Variants in GRIP1 observed in about 807,000 individuals in gnomAD.
GRIP1 encodes glutamate receptor interacting protein 1, also known as glutamate receptor-interacting protein 1.
Under a neutral mutation model 129.9 loss-of-function variants are expected in GRIP1, and 45 were observed. The ratio of observed to expected loss-of-function variants is 0.35; its 90% confidence interval spans 0.27 to 0.44. The LOEUF is 0.44. GRIP1 is among the 20% of genes least tolerant of loss of function. The pLI, the probability that GRIP1 is intolerant of heterozygous loss-of-function variation, is 1.00. For missense variants in GRIP1, 1,196 were observed against 1,396.8 expected, an observed-to-expected ratio of 0.86 and a Z score of 2.29; for synonymous variants, 530 against 520.8, an observed-to-expected ratio of 1.02 and a Z score of -0.24.
At chr12:66,714,183 G>A (rs1396749660) in intron 1 of GRIP1, among the ~76,000 whole-genome samples, 1 of 151,980 alleles carries the variant, frequency 6.6e-6, no homozygotes, top group Non-Finnish European at 1.5e-5. Context: ...CATGATTTCA[G>A]TTTGGTCTGA....
At chr12:66,575,057 C>T (rs975732426) in intron 2 of GRIP1, among the ~76,000 whole-genome samples, 1 of 152,288 alleles carries the variant, frequency 6.6e-6, no homozygotes, top group South Asian at 2.1e-4. Context: ...CAGGCATTAG[C>T]CACCGTGCCC....
upstream of GRIP1, among the ~76,000 whole-genome samples, chr12:66,804,968 T>G (rs1371674076): frequency 6.6e-6 from 1 of 152,188 alleles, no homozygotes; most frequent in African/African-American, 2.4e-5. Flanking sequence ...TGGGCATTAA[T>G]GTATTCCAAT....
At chr12:66,394,084 T>A in intron 17 of GRIP1, 124 bp downstream of exon 17, 2 of 976,658 alleles carry the variant, frequency 2.0e-6, no homozygotes, top group Admixed American at 3.5e-5. Flanking sequence ...CTAAGATCAA[T>A]CCTTTGTGCA....
chr12:66,584,815 T>C (rs946937712), intron 2 of GRIP1, among the ~76,000 whole-genome samples: 5 of 152,028 alleles, frequency 3.3e-5, no homozygotes, highest in Non-Finnish European at 5.9e-5. Flanking sequence ...GTCTTTGAAA[T>C]GATACCTCCT....
chr12:66,553,749 G>A (rs777214185), intron 2 of GRIP1, among the ~76,000 whole-genome samples: 2 of 151,980 alleles, frequency 1.3e-5, no homozygotes, highest in Non-Finnish European at 2.9e-5. Flanking sequence ...GAGCTTGGGG[G>A]AGGAAAAGTG....
At chr12:66,541,067 G>A (rs2061765661) in intron 3 of GRIP1, among the ~76,000 whole-genome samples, 1 of 151,672 alleles carries the variant, frequency 6.6e-6, no homozygotes, top group Admixed American at 6.6e-5. Flanking sequence ...CACCTGCCTT[G>A]GCCTCCCAAT....
At chr12:66,454,412 T>C (rs978785925) in intron 11 of GRIP1, among the ~76,000 whole-genome samples, 4 of 152,198 alleles carry the variant, frequency 2.6e-5, no homozygotes, top group Non-Finnish European at 4.4e-5. Context: ...TAAATCATAA[T>C]CATGGCCATC....
intron 1 of GRIP1, among the ~76,000 whole-genome samples, chr12:66,803,009 A>G (rs1029642277): frequency 1.3e-5 from 2 of 152,186 alleles, no homozygotes; most frequent in Non-Finnish European, 2.9e-5. Flanking sequence ...CCACCACATG[A>G]ATTTTCAACC....
At chr12:66,942,722 T>C (rs1423516457) in intron 1 of GRIP1, among the ~76,000 whole-genome samples, 2 of 152,156 alleles carry the variant, frequency 1.3e-5, no homozygotes, top group East Asian at 3.9e-4. Flanking sequence ...ATGGACTGCA[T>C]GTTTGTGTCC....
chr12:66,561,214 AG>A (rs1283399794), intron 2 of GRIP1, among the ~76,000 whole-genome samples: 3 of 152,188 alleles, frequency 2.0e-5, no homozygotes, highest in Non-Finnish European at 2.9e-5. Flanking sequence ...AAGGAAAGTG[AG>A]GATGGCTAAT....
At chr12:66,715,035 T>G (rs1267289895) in intron 1 of GRIP1, among the ~76,000 whole-genome samples, 1 of 152,022 alleles carries the variant, frequency 6.6e-6, no homozygotes, top group African/African-American at 2.4e-5. Context: ...AACTCCCTTC[T>G]CCTTCCTATG....
chr12:66,540,986 A>T (rs1447326795), intron 3 of GRIP1, among the ~76,000 whole-genome samples: 9 of 150,024 alleles, frequency 6.0e-5, no homozygotes, highest in South Asian at 2.1e-4. Flanking sequence ...TTTTTTTTTT[A>T]AATTTTTTTA....
chr12:67,052,485 C>T (rs531462427), intron 1 of GRIP1, among the ~76,000 whole-genome samples: 4 of 152,194 alleles, frequency 2.6e-5, no homozygotes, highest in Non-Finnish European at 5.9e-5. Context: ...ACAGGCCGGG[C>T]GCAGTGACTC....
chr12:66,868,066 C>G (rs1039653370), intron 1 of GRIP1, among the ~76,000 whole-genome samples: 2 of 152,074 alleles, frequency 1.3e-5, no homozygotes, highest in African/African-American at 4.8e-5. Context: ...CATACTTAAT[C>G]TCACTTATGG....
At chr12:66,638,798 T>C (rs2031654530) in intron 1 of GRIP1, among the ~76,000 whole-genome samples, 1 of 152,162 alleles carries the variant, frequency 6.6e-6, no homozygotes, top group Non-Finnish European at 1.5e-5. Flanking sequence ...ATAGCTTTAC[T>C]TGTAACACAC....
intron 23 of GRIP1, among the ~76,000 whole-genome samples, chr12:66,365,368 C>T (rs1168340): frequency 0.49 from 74,129 of 152,048 alleles, 18,492 homozygotes; most frequent in East Asian, 0.58. Context: ...ACCTGGGAGG[C>T]GGAGGTTGCA....
chr12:66,858,889 C>CTT (rs372297071), intron 1 of GRIP1, among the ~76,000 whole-genome samples: 2,721 of 151,734 alleles, frequency 0.018, 51 homozygotes, highest in Non-Finnish European at 0.026. Context: ...AATTTGGTGA[C>CTT]TTTTTTGTGG....
chr12:66,468,210 G>T (rs759368655), intron 7 of GRIP1, among the ~76,000 whole-genome samples: 6 of 152,172 alleles, frequency 3.9e-5, no homozygotes, highest in Non-Finnish European at 7.3e-5. Flanking sequence ...AAAAAGAATG[G>T]CTGTGCCCAC....
rs757690685 is a variant in GRIP1 at position 67,001,937 on chromosome 12, C to T, written c.58+67113G>A. 2.3e-4 allele frequency among the ~76,000 whole-genome samples: 35 copies of T among 151,956 alleles called. 1 individual carries two copies. The highest frequency in any genetic ancestry group is 7.7e-4 in the African/African-American group (32 of 41,316). On this transcript the variant is annotated intron_variant, in intron 1 of 1. Coordinates refer to the GRIP1 transcript ENST00000643019. ...CCATTGTCCCTACCAGTCATTTATA[C>T]ATTGTTCCACCCAGAAGAAGAAGAG...
Sources: gnomAD v4.1 joint callset for allele counts (sites outside exome capture counted in the v4.1 genomes callset) on GRCh38, gnomAD v4.1.1 for gene constraint, MANE v1.5 for transcripts, NCBI Gene and HGNC (gene_info 2026-07-23, HGNC 2026-07-21) for gene names.